MAP2K5: variants seen among roughly 807,000 people sequenced by gnomAD.
MAP2K5 encodes the protein mitogen-activated protein kinase kinase 5.
In MAP2K5, 49 loss-of-function variants were observed where a neutral mutation model predicts 83.1. The ratio of observed to expected loss-of-function variants is 0.59; its 90% CI spans 0.47 to 0.75. The LOEUF (loss-of-function observed/expected upper bound fraction) is 0.75, where lower values mean the gene tolerates loss of function less well. Among genes scored for constraint, MAP2K5 ranks in the 30% least tolerant of loss-of-function variants. The pLI is 0.00. For synonymous variants in MAP2K5, 202 were observed against 191.8 expected, an observed-to-expected ratio of 1.05 and a Z score of -0.44; for missense variants, 457 against 557.5, an observed-to-expected ratio of 0.82 and a Z score of 1.82.
chr15:67,803,387 A>AT (rs1368462655), intron 21 of MAP2K5, among the ~76,000 whole-genome samples: 4 of 152,072 alleles, frequency 2.6e-5, no homozygotes, highest in Admixed American at 6.5e-5. Context: ...TTCCTCCCAA[A>AT]TTCTCCATCA....
chr15:67,712,053 G>A (rs1374395102), intron 16 of MAP2K5, among the ~76,000 whole-genome samples: 6 of 152,302 alleles, frequency 3.9e-5, no homozygotes, highest in Middle Eastern at 3.4e-3. Flanking sequence ...TGAGTGGAGC[G>A]TTTTCTGGAG....
chr15:67,609,367 G>C (rs1456777801), intron 8 of MAP2K5, among the ~76,000 whole-genome samples: 2 of 151,566 alleles, frequency 1.3e-5, no homozygotes, highest in African/African-American at 4.8e-5. Flanking sequence ...AAACACTGAA[G>C]TAAGATTATA....
chr15:67,798,265 C>T (rs926744509), intron 21 of MAP2K5, among the ~76,000 whole-genome samples: 2 of 152,254 alleles, frequency 1.3e-5, no homozygotes, highest in Non-Finnish European at 2.9e-5. Flanking sequence ...TGGCCCAAAA[C>T]TGCCGGAGGC....
intron 19 of MAP2K5, among the ~76,000 whole-genome samples, chr15:67,759,582 GA>G (rs1354690569): frequency 6.7e-6 from 1 of 150,316 alleles, no homozygotes; most frequent in African/African-American, 2.4e-5. Context: ...GAAAAGAAAA[GA>G]AAAAATGGGA....
chr15:67,643,281 G>C (rs1387527664), intron 9 of MAP2K5, among the ~76,000 whole-genome samples: 1 of 152,186 alleles, frequency 6.6e-6, no homozygotes, highest in African/African-American at 2.4e-5. Flanking sequence ...TTGAACTGAT[G>C]CTAGATGAAT....
chr15:67,652,348 G>A lies in MAP2K5; in HGVS notation c.736+5879G>A, dbSNP rs1454116612. On this transcript the variant is annotated intron_variant, in intron 11 of 21. Transcript: ENST00000178640. This position sits in a 1 kb window ranked among gnomAD's most constrained non-coding sequence, Gnocchi z 4.2. ...GAGACTGGGTAATTTATAAAGAAAAGTGGTTTATTTGGCTTATTATTTTGC... is the reference window on the plus strand; with the variant it reads ...GAGACTGGGTAATTTATAAAGAAAAATGGTTTATTTGGCTTATTATTTTGC... Among the ~76,000 whole-genome samples the A allele has an allele frequency of 1.3e-5, 2 of 152,178 alleles. No homozygotes were observed. The highest frequency in any genetic ancestry group is 2.4e-5 in the African/African-American group (1 of 41,450).
rs1200127056 is a variant in MAP2K5 at position 67,749,072 on chromosome 15, A to G, written c.1134+471A>G. 6.6e-6 allele frequency among the ~76,000 whole-genome samples: 1 copy of G among 152,236 alleles called. No individual in the cohort carries two copies. The highest frequency in any genetic ancestry group is 6.5e-5 in the Admixed American group (1 of 15,280). The stretch of plus-strand genomic sequence containing the variant: ...CTCAAAAACTCTAGGTCAACAGTTC[A>G]GCGTTAATTTCCTAATTAGGCATTT... On this transcript the variant is annotated intron_variant, in intron 19 of 21. Coordinates refer to ENST00000178640, the MANE Select transcript of MAP2K5 (RefSeq NM_145160.3). The surrounding 1 kb of genome is among the most constrained non-coding windows in gnomAD (Gnocchi z 4.6).
chr15:67,794,661 G>A lies in MAP2K5; in HGVS notation c.1243-11985G>A, dbSNP rs1015864024. 2.7e-5 allele frequency among the ~76,000 whole-genome samples: 4 copies of A among 147,754 alleles called. No individual in the cohort carries two copies. The highest frequency in any genetic ancestry group is 2.1e-4 in the South Asian group (1 of 4,672). ...CTGAAAAAAAAAAAAAAAAAAAGAC[G>A]GTACTTCATTTAGCGTTATTTACAT... On this transcript the variant is annotated intron_variant, in intron 21 of 21. Transcript: ENST00000178640. The surrounding 1 kb of genome is among the most constrained non-coding windows in gnomAD (Gnocchi z 4.6).
intron 21 of MAP2K5, among the ~76,000 whole-genome samples, chr15:67,776,760 A>G (rs2090247372): frequency 6.6e-6 from 1 of 152,178 alleles, no homozygotes; most frequent in South Asian, 2.1e-4. Flanking sequence ...ATTCCTTCTG[A>G]GGAATTAATC....
chr15:67,731,106 A>G (rs933625960), intron 17 of MAP2K5, among the ~76,000 whole-genome samples: 1 of 152,218 alleles, frequency 6.6e-6, no homozygotes, highest in Non-Finnish European at 1.5e-5. Flanking sequence ...GCTATCAATC[A>G]TAGGTTGTAA....
intron 3 of MAP2K5, among the ~76,000 whole-genome samples, chr15:67,576,728 T>C (rs942200631): frequency 2.7e-5 from 4 of 147,502 alleles, no homozygotes; most frequent in Admixed American, 1.4e-4. Flanking sequence ...GGACACAATA[T>C]TTCATACTCT....
chr15:67,750,657 C>T lies in MAP2K5; in HGVS notation c.1134+2056C>T, dbSNP rs1023988045. Among the ~76,000 whole-genome samples, 2 of 152,182 alleles carry T rather than the reference C, an allele frequency of 1.3e-5. No homozygotes were observed. The highest frequency in any genetic ancestry group is 6.5e-5 in the Admixed American group (1 of 15,286). ...CTAGTTTCTCGGGTAACTCTCTGCACATTATAAGTTTGAAAACCACTTCTC... is the reference window on the plus strand; with the variant it reads ...CTAGTTTCTCGGGTAACTCTCTGCATATTATAAGTTTGAAAACCACTTCTC... On this transcript the variant is annotated intron_variant, in intron 19 of 21. Coordinates refer to ENST00000178640, the MANE Select transcript of MAP2K5 (RefSeq NM_145160.3). The surrounding 1 kb of genome is among the most constrained non-coding windows in gnomAD (Gnocchi z 4.2).
chr15:67,724,542 G>A lies in MAP2K5; in HGVS notation c.1045-3374G>A, dbSNP rs1386936665. Among the ~76,000 whole-genome samples, 1 of 152,034 alleles carries A rather than the reference G, an allele frequency of 6.6e-6. No individual in the cohort carries two copies. Among genetic ancestry groups the A allele is most frequent in the Admixed American group, 6.6e-5 (1 of 15,264 alleles). On this transcript the variant is annotated intron_variant, in intron 16 of 21. Coordinates refer to ENST00000178640, the MANE Select transcript of MAP2K5 (RefSeq NM_145160.3). The surrounding 1 kb of genome is among the most constrained non-coding windows in gnomAD (Gnocchi z 4.4). Reference sequence around the variant, plus strand: ...CCCAAGCAGCTGTGACTACAGACACGTGCCACCACACGCCTCTCATTTTTG... The same window carrying A: ...CCCAAGCAGCTGTGACTACAGACACATGCCACCACACGCCTCTCATTTTTG...
In MAP2K5 at chr15:67,736,113, AG is replaced by A. The variant is rs771094502; in HGVS notation, c.1074+8169del. Among the ~76,000 whole-genome samples the A allele has an allele frequency of 2.6e-4, 39 of 152,230 alleles. No individual in the cohort carries two copies. The highest frequency in any genetic ancestry group is 9.2e-4 in the African/African-American group (38 of 41,464). On this transcript the variant is annotated intron_variant, in intron 17 of 21. Transcript: ENST00000178640. The surrounding 1 kb of genome is among the most constrained non-coding windows in gnomAD (Gnocchi z 4.3). The stretch of plus-strand genomic sequence containing the variant: ...ACTTTTAAAGTCACCGTGGGAAGGA[AG>A]TAAGAAAAGGGAGGGGAGCATGGTA...
In MAP2K5 at chr15:67,637,966, TA is replaced by T. The variant is rs1478002878; in HGVS notation, c.585+7041del. Among the ~76,000 whole-genome samples the T allele has an allele frequency of 6.6e-6, 1 of 152,072 alleles. No individual in the cohort carries two copies. Among genetic ancestry groups the T allele is most frequent in the Non-Finnish European group, 1.5e-5 (1 of 68,012 alleles). Reference sequence around the variant, plus strand: ...TTAGTACCTCTTCCTTTCTTTTTTTTAATTTAACTTTTAACTTTTTTAACTT... The same window carrying T: ...TTAGTACCTCTTCCTTTCTTTTTTTTATTTAACTTTTAACTTTTTTAACTT... On this transcript the variant is annotated intron_variant, in intron 9 of 21. Transcript: ENST00000178640. The surrounding 1 kb of genome is among the most constrained non-coding windows in gnomAD (Gnocchi z 4.5).
intron 15 of MAP2K5, among the ~76,000 whole-genome samples, chr15:67,701,263 G>A (rs1004911394): frequency 6.6e-6 from 1 of 152,146 alleles, no homozygotes. Context: ...GAATAGCAAT[G>A]TATGAGGAAG....
At position 67,782,778 on chromosome 15, in the gene MAP2K5, G is replaced by A. The variant is rs1489186299; in HGVS notation, c.1242+10026G>A. On this transcript the variant is annotated intron_variant, in intron 21 of 21. Coordinates refer to ENST00000178640, the MANE Select transcript of MAP2K5 (RefSeq NM_145160.3). The surrounding 1 kb of genome is among the most constrained non-coding windows in gnomAD (Gnocchi z 4.9). The stretch of plus-strand genomic sequence containing the variant: ...GAAGGCAGATCGGCAACCCTGGAAT[G>A]CTGGTTTATGCAGGGCCTGTGGCAC... 6.6e-6 allele frequency among the ~76,000 whole-genome samples: 1 copy of A among 152,190 alleles called. No homozygotes were observed. The highest frequency in any genetic ancestry group is 1.5e-5 in the Non-Finnish European group (1 of 68,028).
chr15:67,772,865 C>T, intron 21 of MAP2K5, 113 bp downstream of exon 21: 1 of 701,648 alleles, frequency 1.4e-6, no homozygotes, highest in Non-Finnish European at 2.3e-6. Flanking sequence ...GAAAAGGCAA[C>T]ATTATTTACT....
chr15:67,738,587 G>C lies in MAP2K5; in HGVS notation c.1075-9644G>C, dbSNP rs1294959558. The stretch of plus-strand genomic sequence containing the variant: ...TAGTTGCTTGACCTTCTTTCTTTTT[G>C]GACTTCAGCCTCCTCACCTGGAAAA... On this transcript the variant is annotated intron_variant, in intron 17 of 21. Transcript: ENST00000178640. This position sits in a 1 kb window ranked among gnomAD's most constrained non-coding sequence, Gnocchi z 4.1. Among the ~76,000 whole-genome samples, 2 of 152,106 alleles carry C rather than the reference G, an allele frequency of 1.3e-5. No individual in the cohort carries two copies.
Sources: allele counts gnomAD v4.1 joint callset (sites outside exome capture counted in the v4.1 genomes callset), GRCh38; gene constraint gnomAD v4.1.1; non-coding constraint Gnocchi (gnomAD v3.1); transcripts MANE v1.5; gene names NCBI Gene and HGNC (gene_info 2026-07-23, HGNC 2026-07-21).